SMAP2: variants seen among roughly 807,000 people sequenced by gnomAD.
SMAP2 encodes the protein stromal membrane-associated protein 2.
In SMAP2, 25 loss-of-function variants were observed where a neutral mutation model predicts 56.4. The ratio of observed to expected loss-of-function variants is 0.44; its 90% CI spans 0.32 to 0.62. The LOEUF (loss-of-function observed/expected upper bound fraction) is 0.62. SMAP2 is among the 20% of genes least tolerant of loss of function. The pLI, the probability that SMAP2 is intolerant of heterozygous loss-of-function variation, is 0.04. For synonymous variants in SMAP2, 157 were observed against 181.7 expected, an observed-to-expected ratio of 0.86 and a Z score of 1.09; for missense variants, 388 against 545.6, an observed-to-expected ratio of 0.71 and a Z score of 2.88.
At chr1:40,379,082 T>C (rs931307703) in intron 1 of SMAP2, among the ~76,000 whole-genome samples, 7 of 151,532 alleles carry the variant, frequency 4.6e-5, no homozygotes, top group Admixed American at 3.3e-4. Flanking sequence ...TGGGTTCAAG[T>C]GATTCTCCTG....
At position 40,386,195 on chromosome 1, in the gene SMAP2, A is replaced by G. The variant is rs887012321; in HGVS notation, c.103+11972A>G. Among the ~76,000 whole-genome samples, 1 of 152,198 alleles carries G rather than the reference A, an allele frequency of 6.6e-6. No individual in the cohort carries two copies. Among genetic ancestry groups the G allele is most frequent in the East Asian group, 1.9e-4 (1 of 5,200 alleles). ...GCTGAAAACAGCAGAGCTGACGGAA[A>G]CCAATTTGAGTGTGACAGCTGATTT... On this transcript the variant is annotated intron_variant, in intron 1 of 9. Transcript: ENST00000372718. The surrounding 1 kb of genome is among the most constrained non-coding windows in gnomAD (Gnocchi z 4.1).
chr1:40,357,774 CA>C (rs1162179629), intron 1 of SMAP2, among the ~76,000 whole-genome samples: 2 of 152,050 alleles, frequency 1.3e-5, no homozygotes, highest in African/African-American at 4.8e-5. Flanking sequence ...CATTTTGCTC[CA>C]TTTGTCTATA....
At chr1:40,383,408 C>T (rs766303526) in intron 1 of SMAP2, among the ~76,000 whole-genome samples, 13 of 152,184 alleles carry the variant, frequency 8.5e-5, no homozygotes, top group Non-Finnish European at 1.9e-4. Flanking sequence ...ATGTAGTTCC[C>T]TGTGATCAAG....
At chr1:40,347,245 GTTTTTGT>G (rs1557819067) in intron 1 of SMAP2, among the ~76,000 whole-genome samples, 1 of 47,376 alleles carries the variant, frequency 2.1e-5, no homozygotes, top group African/African-American at 5.7e-5. Flanking sequence ...TGTGTGTTTT[GTTTTTGT>G]TTTTTTTTTT....
chr1:40,402,203 T>A (rs1644841396), intron 1 of SMAP2, among the ~76,000 whole-genome samples: 2 of 152,250 alleles, frequency 1.3e-5, no homozygotes, highest in Admixed American at 1.3e-4. Flanking sequence ...TATCTCTTTT[T>A]ATTGATACAT....
intron 1 of SMAP2, among the ~76,000 whole-genome samples, chr1:40,345,908 A>G (rs1169059367): frequency 7.5e-6 from 1 of 134,028 alleles, no homozygotes. Flanking sequence ...ATATTATATT[A>G]TATTATATTA....
At chr1:40,348,202 G>C (rs1644396972) in intron 1 of SMAP2, among the ~76,000 whole-genome samples, 1 of 152,028 alleles carries the variant, frequency 6.6e-6, no homozygotes, top group Non-Finnish European at 1.5e-5. Flanking sequence ...TATAATTATT[G>C]CTTTAGGATG....
chr1:40,367,950 C>T (rs1398662656), intron 2 of SMAP2, among the ~76,000 whole-genome samples: 2 of 126,734 alleles, frequency 1.6e-5, no homozygotes, highest in Non-Finnish European at 3.3e-5. Context: ...ATTGATAGAC[C>T]GCTAGCAAGA....
chr1:40,413,175 G>T, intron 5 of SMAP2, 73 bp downstream of exon 5: 2 of 1,149,922 alleles, frequency 1.7e-6, no homozygotes, highest in Non-Finnish European at 2.6e-6. Flanking sequence ...AAAGTAGGAG[G>T]TCTCGTGGTG....
intron 1 of SMAP2, chr1:40,396,795 G>T: frequency 2.0e-5 from 20 of 977,080 alleles, no homozygotes; most frequent in Non-Finnish European, 2.3e-5. Context: ...CCTCTCAGCA[G>T]CCCTACACAA....
chr1:40,373,317 G>C (rs575422910), upstream of SMAP2, among the ~76,000 whole-genome samples: 1 of 152,134 alleles, frequency 6.6e-6, no homozygotes, highest in South Asian at 2.1e-4. Context: ...TTTGGCTGTT[G>C]GAAAAAACAA....
At chr1:40,388,966 G>T (rs1053332941) in intron 1 of SMAP2, among the ~76,000 whole-genome samples, 1 of 151,924 alleles carries the variant, frequency 6.6e-6, no homozygotes, top group African/African-American at 2.4e-5. Context: ...CACCGCGAGG[G>T]TCCACAGCTT....
At chr1:40,347,321 C>T (rs1045912189) in intron 1 of SMAP2, among the ~76,000 whole-genome samples, 11 of 150,448 alleles carry the variant, frequency 7.3e-5, no homozygotes, top group African/African-American at 2.7e-4. Flanking sequence ...GAACTCTTGA[C>T]CTTAGGTGAT....
chr1:40,409,067 C>T (rs1017248236), intron 3 of SMAP2, among the ~76,000 whole-genome samples: 10 of 152,208 alleles, frequency 6.6e-5, no homozygotes, highest in African/African-American at 2.4e-4. Context: ...GTTCATTGTG[C>T]TCTGTTAACC....
In SMAP2 at chr1:40,422,804, C is replaced by A. The variant is rs942629722; in HGVS notation, c.*703C>A. 1.3e-5 allele frequency: 2 copies of A among 152,932 alleles called. No individual in the cohort carries two copies. Among genetic ancestry groups the A allele is most frequent in the Admixed American group, 6.5e-5 (1 of 15,356 alleles). 9.5% of individuals were successfully genotyped at this position (152,932 alleles called of 1,614,324 possible). ...GACACACATCCCTTCCCGCCTCCCC[C>A]CTGCCTTCAGTAGGATCTGGCTCCG... is the stretch of plus-strand genomic sequence containing the variant. On this transcript the variant is annotated 3_prime_UTR_variant, in exon 10 of 10. Transcript: ENST00000372718.
chr1:40,371,172 A>G (rs1424432152), upstream of SMAP2, among the ~76,000 whole-genome samples: 1 of 149,426 alleles, frequency 6.7e-6, no homozygotes, highest in Non-Finnish European at 1.5e-5. Flanking sequence ...ACTCGGTCTC[A>G]AAAAAAAAAA....
intron 1 of SMAP2, among the ~76,000 whole-genome samples, chr1:40,355,677 A>G (rs1251587547): frequency 2.0e-5 from 3 of 152,104 alleles, no homozygotes; most frequent in African/African-American, 7.2e-5. Context: ...GCTGGAGTGC[A>G]GTGGCACCGG....
intron 1 of SMAP2, among the ~76,000 whole-genome samples, chr1:40,403,398 G>A (rs999236767): frequency 2.0e-5 from 3 of 152,120 alleles, no homozygotes; most frequent in Non-Finnish European, 4.4e-5. Flanking sequence ...CCAGCTACTC[G>A]GGAAGCTGAG....
intron 1 of SMAP2, among the ~76,000 whole-genome samples, chr1:40,350,554 C>T (rs145069437): frequency 2.6e-5 from 4 of 152,298 alleles, no homozygotes; most frequent in African/African-American, 9.6e-5. Context: ...TGGTGCAAAA[C>T]TGAATTTGTC....
Sources: allele counts gnomAD v4.1 joint callset (sites outside exome capture counted in the v4.1 genomes callset), GRCh38; gene constraint gnomAD v4.1.1; non-coding constraint Gnocchi (gnomAD v3.1); transcripts MANE v1.5; gene names NCBI Gene and HGNC (gene_info 2026-07-23, HGNC 2026-07-21).